BCAR1: variants seen among roughly 807,000 people sequenced by gnomAD.
BCAR1 encodes breast cancer anti-estrogen resistance protein 1.
A neutral mutation model predicts 67.6 loss-of-function variants in BCAR1; 30 were observed. The observed-to-expected ratio is 0.44, with a 90% CI of 0.33 to 0.60. The LOEUF is 0.60. Ranked by LOEUF, BCAR1 falls within the 20% of genes least tolerant of loss-of-function variation. The probability of loss-of-function intolerance (pLI) is 0.02; values close to 1 mark genes in which losing one functional copy is unlikely to be tolerated. For synonymous variants in BCAR1, 626 were observed against 556.7 expected (o/e 1.12, Z -1.75); for missense variants, 1,313 against 1,222.3 (o/e 1.07, Z -1.11).
chr16:75,245,730 C>T (rs962029189), intron 1 of BCAR1, among the ~76,000 whole-genome samples: 1 of 152,174 alleles, frequency 6.6e-6, no homozygotes, highest in Admixed American at 6.5e-5. Flanking sequence ...TGCCCCCGCC[C>T]AGCCTGAGCT....
Position 75,237,268 on chromosome 16 carries a change from G to A in BCAR1, c.710C>T (p.Pro237Leu), listed in dbSNP as rs773405077. The A allele has an allele frequency of 9.8e-6, 15 of 1,525,400 alleles. No individual in the cohort carries two copies. Among genetic ancestry groups the A allele is most frequent in the Admixed American group, 9.3e-5 (4 of 43,104 alleles). 94.5% of individuals were successfully genotyped at this position (1,525,400 alleles called of 1,614,324 possible). The change falls in exon 3 of 7, where the codon CCG (proline) becomes CTG (leucine). Residue 237 changes from proline (P) to leucine (L), a missense_variant. Transcript: ENST00000162330. ...TGGCCCCGGGGCCAGCAGGTGTCGC[G>A]GGATGTCGTACTCGTCCTGCTCCGG... The part of the protein sequence containing the change: ...AQPEQDEYDI[P>L]RHLLAPGPQD...
upstream of BCAR1, among the ~76,000 whole-genome samples, chr16:75,253,196 G>A (rs377000736): frequency 1.1e-4 from 16 of 152,206 alleles, no homozygotes; most frequent in East Asian, 7.7e-4. Flanking sequence ...GAGCTGTGCC[G>A]GGCCCCTCCT....
In BCAR1 at chr16:75,230,029, G is replaced by A. The variant is rs374517338; in HGVS notation, c.2101-6C>T. 1.3e-6 allele frequency: 2 copies of A among 1,525,826 alleles called. No individual in the cohort carries two copies. Among genetic ancestry groups the A allele is most frequent in the African/African-American group, 1.4e-5 (1 of 72,402 alleles). The allele number at this position is 1,525,826 out of a possible 1,614,324, so 94.5% of individuals were successfully genotyped here. The stretch of plus-strand genomic sequence containing the variant: ...AGTCGTTCAAACTGCTTCAGCTGGG[G>A]CAGGAGGGAAGCAGGAGCAGGGTTA... On this transcript the variant is annotated splice_region_variant and splice_polypyrimidine_tract_variant and intron_variant, in intron 6 of 6. Coordinates refer to ENST00000162330, the MANE Select transcript of BCAR1 (RefSeq NM_014567.5).
chr16:75,237,228 A>G lies in BCAR1; in HGVS notation c.750T>C (p.Asp250=). ...LLAPGPQDIY[D]VPPVRGLLPS... Reference sequence around the variant, plus strand: ...GAAGCAGCCCCCGAACCGGGGGCACATCATAGATGTCCTGTGGCCCCGGGG... The same window carrying G: ...GAAGCAGCCCCCGAACCGGGGGCACGTCATAGATGTCCTGTGGCCCCGGGG... The change falls in exon 3 of 7, where the codon GAT becomes GAC. Residue 250 remains aspartate, a synonymous_variant. Transcript: ENST00000162330. 6.4e-7 allele frequency: 1 copy of G among 1,565,586 alleles called. No homozygotes were observed. Among genetic ancestry groups the G allele is most frequent in the Non-Finnish European group, 8.6e-7 (1 of 1,157,988 alleles).
In BCAR1 at chr16:75,264,279, T is replaced by C. The variant is rs1161548752; in HGVS notation, c.66+3636A>G. 10 of 1,380,324 alleles carry C rather than the reference T, an allele frequency of 7.2e-6. No homozygotes were observed. The East Asian group carries it at 2.4e-4, about 33-fold the overall frequency. 85.5% of individuals were successfully genotyped at this position (1,380,324 alleles called of 1,614,324 possible). A position where few individuals can be genotyped will look rare whatever the true frequency, so the allele number is the denominator to read the frequency against. On this transcript the variant is annotated intron_variant, in intron 1 of 6. Transcript: ENST00000393422. ...AACCAAACCAAATCAAACGGGGACCTCCCCATAGAGGCCCGCCCAGGCTGG... is the reference window on the plus strand; with the variant it reads ...AACCAAACCAAATCAAACGGGGACCCCCCCATAGAGGCCCGCCCAGGCTGG...
chr16:75,257,141 C>T (rs573005146), intron 1 of BCAR1, among the ~76,000 whole-genome samples: 2 of 152,286 alleles, frequency 1.3e-5, no homozygotes, highest in South Asian at 2.1e-4. Flanking sequence ...ACTGACTGGC[C>T]GGGTGGGCAG....
intron 2 of BCAR1, among the ~76,000 whole-genome samples, chr16:75,241,837 G>C (rs1228989579): frequency 6.6e-6 from 1 of 152,082 alleles, no homozygotes; most frequent in African/African-American, 2.4e-5. Flanking sequence ...TGTGGACTTG[G>C]GAAGCGGGCT....
At chr16:75,247,889 A>G (rs2077565949) in intron 1 of BCAR1, 4 of 675,574 alleles carry the variant, frequency 5.9e-6, no homozygotes, top group Non-Finnish European at 8.0e-6. Context: ...TCTGCCCAAG[A>G]CCCCAGGGTT....
intron 2 of BCAR1, among the ~76,000 whole-genome samples, chr16:75,242,268 C>G (rs1338954538): frequency 6.6e-6 from 1 of 152,216 alleles, no homozygotes; most frequent in African/African-American, 2.4e-5. Context: ...AGCGGAGCAT[C>G]TCCCCTCTGG....
intron 2 of BCAR1, among the ~76,000 whole-genome samples, chr16:75,239,786 C>G (rs1003177802): frequency 6.6e-6 from 1 of 152,190 alleles, no homozygotes; most frequent in Admixed American, 6.5e-5. Context: ...CCTCCCTCCC[C>G]AGCTCCAGGC....
Position 75,229,522 on chromosome 16 carries a change from C to A in BCAR1, c.2602G>T (p.Ala868Ser). 1 of 1,576,768 alleles carries A rather than the reference C, an allele frequency of 6.3e-7. No individual in the cohort carries two copies. The highest frequency in any genetic ancestry group is 8.6e-7 in the Non-Finnish European group (1 of 1,160,810). ...QQFRRVLGQLAAA is the reference protein window; with the variant it reads ...QQFRRVLGQLSAA ...TGGGGTCACCACCCTCAGGCGGCTGCCAGCTGGCCTAGGACGCGGCGGAAC... is the reference window on the plus strand; with the variant it reads ...TGGGGTCACCACCCTCAGGCGGCTGACAGCTGGCCTAGGACGCGGCGGAAC... The change falls in exon 7 of 7, where the codon GCA (alanine) becomes TCA (serine). Residue 868 changes from alanine to serine, a missense_variant. This residue lies in a region of BCAR1 where 1,272 missense variants were observed against 1,137.5 expected (regional missense o/e 1.12). Transcript: ENST00000162330.
In BCAR1 at chr16:75,235,717, C is replaced by G. The variant is rs774656229; in HGVS notation, c.1182G>C (p.Val394=). The change falls in exon 5 of 7, where the codon GTG becomes GTC. Residue 394 remains valine, a synonymous_variant. Coordinates refer to ENST00000162330, the MANE Select transcript of BCAR1 (RefSeq NM_014567.5). ...CACCATCAGCCACCTCAGGAGGAAGCACCCGTTCACGGGGCACATCGTACA... is the reference window on the plus strand; with the variant it reads ...CACCATCAGCCACCTCAGGAGGAAGGACCCGTTCACGGGGCACATCGTACA... ...GTLYDVPRER[V]LPPEVADGGV... The G allele has an allele frequency of 1.2e-6, 2 of 1,608,328 alleles. No homozygotes were observed. The highest frequency in any genetic ancestry group is 3.4e-5 in the Admixed American group (2 of 59,650).
At position 75,235,923 on chromosome 16, in the gene BCAR1, T is replaced by C. The variant is rs1414186062; in HGVS notation, c.976A>G (p.Thr326Ala). ...GCGAAGGCGGGGGGCACATCGTAGG[T>C]CTCCTCACGCAGCAGTGGGCCATCG... is the stretch of plus-strand genomic sequence containing the variant. ...VPDGPLLREE[T>A]YDVPPAFAKA... The change falls in exon 5 of 7, where the codon ACC becomes GCC. Residue 326 changes from threonine (T) to alanine (A), a missense_variant. Thr to Ala is a moderately conservative substitution (Grantham distance 58). Transcript: ENST00000162330. The C allele has an allele frequency of 1.9e-6, 3 of 1,569,226 alleles. No homozygotes were observed. Among genetic ancestry groups the C allele is most frequent in the Non-Finnish European group, 2.6e-6 (3 of 1,157,042 alleles).
At chr16:75,245,332 A>G (rs1405594577) in intron 1 of BCAR1, among the ~76,000 whole-genome samples, 1 of 152,222 alleles carries the variant, frequency 6.6e-6, no homozygotes, top group Non-Finnish European at 1.5e-5. Context: ...GAGTCACAGG[A>G]AAATTCCCCT....
At position 75,237,175 on chromosome 16, in the gene BCAR1, A is replaced by T; in HGVS notation, c.795+8T>A. 1 of 1,567,882 alleles carries T rather than the reference A, an allele frequency of 6.4e-7. No individual in the cohort carries two copies. The highest frequency in any genetic ancestry group is 8.6e-7 in the Non-Finnish European group (1 of 1,159,822). On this transcript the variant is annotated splice_region_variant and intron_variant, in intron 3 of 6. Transcript: ENST00000162330. ...CTGCCCTCCCACCGCTGCGCACCCC[A>T]CACCTACCTCCTGGCCATACTGGCT...
At chr16:75,248,193 T>C in intron 1 of BCAR1, 2 of 1,566,254 alleles carry the variant, frequency 1.3e-6, no homozygotes, top group Non-Finnish European at 1.7e-6. Flanking sequence ...CACCGAGGGG[T>C]GACGCCTGGG....
At chr16:75,238,438 C>T (rs997900465) in intron 2 of BCAR1, 3 of 1,027,434 alleles carry the variant, frequency 2.9e-6, no homozygotes, top group African/African-American at 3.5e-5. Context: ...AGCGCCAAAG[C>T]AGCCCCTCCC....
chr16:75,235,308 G>T lies in BCAR1; in HGVS notation c.1591C>A (p.His531Asn). 6.2e-7 allele frequency: 1 copy of T among 1,604,780 alleles called. No individual in the cohort carries two copies. The highest frequency in any genetic ancestry group is 1.1e-5 in the South Asian group (1 of 90,992). The change falls in exon 5 of 7, where the codon CAC (histidine) becomes AAC (asparagine). Residue 531 changes from histidine to asparagine, a missense_variant. By Grantham distance (68) the His-to-Asn change is moderately conservative. This residue lies in a region of BCAR1 where 1,272 missense variants were observed against 1,137.5 expected (regional missense o/e 1.12). Transcript: ENST00000162330. ...GCATGCAGGGCACGGTCAGATGTGT[G>T]GGCAGCATTGCCCACCGCGCTGCGG... The part of the protein sequence containing the change: ...FARSAVGNAA[H>N]TSDRALHAKL...
At chr16:75,240,005 G>A (rs1490482642) in intron 2 of BCAR1, among the ~76,000 whole-genome samples, 1 of 152,186 alleles carries the variant, frequency 6.6e-6, no homozygotes, top group East Asian at 1.9e-4. Flanking sequence ...AAGAGCCTCT[G>A]CCCTCAGATT....
Sources: allele counts gnomAD v4.1 joint callset (sites outside exome capture counted in the v4.1 genomes callset), GRCh38; gene constraint gnomAD v4.1.1; regional missense constraint gnomAD v4.1.1; transcripts MANE v1.5; gene names NCBI Gene and HGNC (gene_info 2026-07-23, HGNC 2026-07-21).